The following LNX1 variants were observed in gnomAD, a reference collection of about 807,000 sequenced individuals.
The protein encoded by LNX1 is ligand of numb-protein X 1.
In LNX1, 54 loss-of-function variants were observed where a neutral mutation model predicts 68.4. The ratio of observed to expected loss-of-function variants is 0.79; its 90% CI spans 0.63 to 0.99. The LOEUF (loss-of-function observed/expected upper bound fraction) is 0.99, where lower values mean the gene tolerates loss of function less well. LNX1 is among the 50% of genes least tolerant of loss of function. LNX1 has a pLI of 0.00. For missense variants in LNX1, 906 were observed against 926.4 expected (o/e 0.98, Z 0.29); for synonymous variants, 336 against 350.0 (o/e 0.96, Z 0.45).
chr4:53,652,263 A>C (rs1735138332), exon 1 of LNX1: 1 of 152,158 alleles, frequency 6.6e-6, no homozygotes, highest in Non-Finnish European at 1.5e-5. Flanking sequence ...TAGCTCGGAA[A>C]ATTTTTCTTT....
chr4:53,486,302 C>A (rs1470242043), intron 6 of LNX1, among the ~76,000 whole-genome samples: 1 of 58,428 alleles, frequency 1.7e-5, no homozygotes, highest in African/African-American at 9.9e-5. Context: ...CGCACTACAG[C>A]CCCAGAGCTC....
chr4:53,564,398 A>C (rs1005142369), intron 2 of LNX1, among the ~76,000 whole-genome samples: 2 of 152,108 alleles, frequency 1.3e-5, no homozygotes, highest in Non-Finnish European at 2.9e-5. Context: ...CCCTATTTTT[A>C]GAAAAACTCT....
rs1723723354 is a variant in LNX1 at position 53,478,650 on chromosome 4, T to C, written c.1578A>G (p.Ala526=). ...ESLGMTVAGG[A]SHREWDLPIY... ...TAGGCAAATCCCATTCTCTATGTGA[T>C]GCTCCCCCTGCGACGGTCATGCCGA... The change falls in exon 8 of 11, where the codon GCA becomes GCG. Residue 526 remains alanine (A), a synonymous_variant. Transcript: ENST00000263925. The C allele has an allele frequency of 1.2e-6, 2 of 1,614,166 alleles. No homozygotes were observed. Among genetic ancestry groups the C allele is most frequent in the Non-Finnish European group, 8.5e-7 (1 of 1,179,990 alleles).
chr4:53,599,792 GA>G, intron 2 of LNX1, among the ~76,000 whole-genome samples: 1 of 152,314 alleles, frequency 6.6e-6, no homozygotes, highest in South Asian at 2.1e-4. Flanking sequence ...TGTCACCCGA[GA>G]AAACCTATAC....
At chr4:53,493,035 T>C (rs1463513096) in intron 6 of LNX1, among the ~76,000 whole-genome samples, 2 of 152,072 alleles carry the variant, frequency 1.3e-5, no homozygotes, top group Admixed American at 1.3e-4. Flanking sequence ...AGTGGTGCGA[T>C]CTTGGCTCAC....
intron 2 of LNX1, among the ~76,000 whole-genome samples, chr4:53,539,834 T>G (rs1728627332): frequency 1.3e-5 from 2 of 152,198 alleles, no homozygotes; most frequent in African/African-American, 4.8e-5. Flanking sequence ...GGACAATGGT[T>G]TCTTGTAATC....
chr4:53,508,357 C>T, intron 2 of LNX1, 130 bp from the exon 3 acceptor site: 1 of 1,102,194 alleles, frequency 9.1e-7, no homozygotes, highest in South Asian at 1.6e-5. Flanking sequence ...TTGCCTGCCG[C>T]TATATCCTCT....
intron 6 of LNX1, among the ~76,000 whole-genome samples, chr4:53,483,130 G>A (rs541020428): frequency 6.6e-6 from 1 of 152,122 alleles, no homozygotes; most frequent in East Asian, 1.9e-4. Context: ...CATGGGGGTG[G>A]GTCTTTCCCA....
chr4:53,625,019 A>G (rs1297369198), intron 1 of LNX1, among the ~76,000 whole-genome samples: 2 of 152,204 alleles, frequency 1.3e-5, no homozygotes, highest in African/African-American at 2.4e-5. Flanking sequence ...AAAAAGATTT[A>G]TATATTTGTG....
chr4:53,539,183 C>G (rs1350797090), intron 2 of LNX1: 1 of 152,234 alleles, frequency 6.6e-6, no homozygotes, highest in Non-Finnish European at 1.5e-5. Context: ...CCACACCAGT[C>G]AAGGGCTCTC....
At chr4:53,559,056 A>G (rs1005732356) in intron 2 of LNX1, among the ~76,000 whole-genome samples, 1 of 152,240 alleles carries the variant, frequency 6.6e-6, no homozygotes, top group African/African-American at 2.4e-5. Flanking sequence ...GAATCTTAAT[A>G]GAAATGGCTC....
chr4:53,509,319 T>G (rs6824775), intron 2 of LNX1, among the ~76,000 whole-genome samples: 146,143 of 152,258 alleles, frequency 0.96, 70,429 homozygotes, highest in East Asian at 1. Flanking sequence ...AAACCCTATA[T>G]GATTGAGCTA....
At position 53,460,054 on chromosome 4, in the gene LNX1, TAAATTA is replaced by T. The variant is rs973373752; in HGVS notation, c.*847_*852del. 6.0e-5 allele frequency: 6 copies of T among 99,800 alleles called. No individual in the cohort carries two copies. Among genetic ancestry groups the T allele is most frequent in the Non-Finnish European group, 1.2e-4 (6 of 49,006 alleles). 6.2% of individuals were successfully genotyped at this position (99,800 alleles called of 1,614,324 possible). A position where few individuals can be genotyped will look rare whatever the true frequency, so the allele number is the denominator to read the frequency against. On this transcript the variant is annotated 3_prime_UTR_variant, in exon 11 of 11. Coordinates refer to ENST00000263925, the MANE Select transcript of LNX1 (RefSeq NM_001126328.3). ...AGGCATCTGGGTGGCCTCTATGAAA[TAAATTA>T]ATTAATTACCCATAGTGTAGTTTCT...
intron 1 of LNX1, among the ~76,000 whole-genome samples, chr4:53,641,083 A>C (rs1734663080): frequency 6.6e-6 from 1 of 151,056 alleles, no homozygotes; most frequent in African/African-American, 2.4e-5. Context: ...CTATGTGTGT[A>C]TGCTTGTGTG....
intron 1 of LNX1, among the ~76,000 whole-genome samples, chr4:53,627,594 A>G (rs1434190736): frequency 1.3e-5 from 2 of 152,274 alleles, no homozygotes; most frequent in Non-Finnish European, 2.9e-5. Context: ...AAATGAAAGA[A>G]AAGAAAATTC....
chr4:53,624,755 A>G (rs552157370), intron 1 of LNX1, among the ~76,000 whole-genome samples: 9 of 152,304 alleles, frequency 5.9e-5, no homozygotes, highest in Admixed American at 1.3e-4. Context: ...CCTGCAGGCC[A>G]TCTACCTCCT....
Position 53,549,333 on chromosome 4 carries a change from T to C in LNX1, c.380+24290A>G, listed in dbSNP as rs147490058. Reference sequence around the variant, plus strand: ...CAACTTGGACAGTAAATTAAAACCATTGTTCTATTTTTCTCTTTTTCAGTT... The same window carrying C: ...CAACTTGGACAGTAAATTAAAACCACTGTTCTATTTTTCTCTTTTTCAGTT... On this transcript the variant is annotated intron_variant, in intron 2 of 10. Transcript: ENST00000263925. 13 of 152,172 alleles carry C rather than the reference T, an allele frequency of 8.5e-5. No individual in the cohort carries two copies. In the East Asian group the frequency reaches 2.3e-3, roughly 27 times the overall value. The allele number at this position is 152,172 out of a possible 1,614,324, so 9.4% of individuals were successfully genotyped here.
chr4:53,616,878 A>G (rs1472873908), intron 1 of LNX1, among the ~76,000 whole-genome samples: 2 of 152,174 alleles, frequency 1.3e-5, no homozygotes, highest in Admixed American at 6.6e-5. Flanking sequence ...AAATGTAGCT[A>G]GCTGTGTGGT....
rs1324249364 is a variant in LNX1, at chr4:53,571,046, T to C, written c.380+2577A>G. On this transcript the variant is annotated intron_variant, in intron 2 of 10. Coordinates refer to ENST00000263925, the MANE Select transcript of LNX1 (RefSeq NM_001126328.3). ...CGTCTAAAAAAAAAAAAAAAGAATC[T>C]TTTTTTTTTTGAGATGGAGTCTCGC... 3.4e-5 allele frequency among the ~76,000 whole-genome samples: 5 copies of C among 145,844 alleles called. No homozygotes were observed. In the South Asian group the frequency reaches 1.1e-3, roughly 32 times the overall value.
Sources: gnomAD v4.1 joint callset for allele counts (sites outside exome capture counted in the v4.1 genomes callset) on GRCh38, gnomAD v4.1.1 for gene constraint, MANE v1.5 for transcripts, NCBI Gene and HGNC (gene_info 2026-07-23, HGNC 2026-07-21) for gene names.